NOS1: variants seen among roughly 807,000 people sequenced by gnomAD.
The protein encoded by NOS1 is NOS type I.
Under a neutral mutation model 164.5 loss-of-function variants are expected in NOS1, and 51 were observed. That is an observed-to-expected ratio of 0.31 (90% CI 0.25 to 0.39). The LOEUF is 0.39. Among genes scored for constraint, NOS1 ranks in the 10% least tolerant of loss-of-function variants. NOS1 has a pLI of 1.00. For missense variants in NOS1, 1,362 were observed against 1,885.6 expected, an observed-to-expected ratio of 0.72 and a Z score of 5.14; for synonymous variants, 719 against 745.8, an observed-to-expected ratio of 0.96 and a Z score of 0.59.
At chr12:117,227,689 T>C (rs2135934895) in intron 22 of NOS1, 48 bp from the exon 23 acceptor site, 2 of 1,589,762 alleles carry the variant, frequency 1.3e-6, no homozygotes, top group South Asian at 1.1e-5. Context: ...AGCTGCCACA[T>C]ACTTCCCATG....
rs376833869 is a variant in NOS1 at position 117,231,974 on chromosome 12, C to T, written c.3393G>A (p.Leu1131=). Residue 1131 remains leucine (L), a synonymous_variant, in exon 22 of 29, where the codon CTG becomes CTA. Coordinates refer to ENST00000317775, the MANE Select transcript of NOS1 (RefSeq NM_000620.5). ...ATSEKEKQRL[L]VLSKGLQEYE... Reference sequence around the variant, plus strand: ...CCTGGGGACCCACCTTGCTGAGGACCAGCAGACGCTGCTTCTCCTTCTCGC... The same window carrying T: ...CCTGGGGACCCACCTTGCTGAGGACTAGCAGACGCTGCTTCTCCTTCTCGC... 1.9e-6 allele frequency: 3 copies of T among 1,612,346 alleles called. No homozygotes were observed. Among genetic ancestry groups the T allele is most frequent in the South Asian group, 1.1e-5 (1 of 90,706 alleles).
intron 3 of NOS1, among the ~76,000 whole-genome samples, chr12:117,305,390 G>A (rs1874085716): frequency 6.6e-6 from 1 of 151,946 alleles, no homozygotes. Context: ...CGTGAACCTG[G>A]GAGGCGGAGC....
intron 7 of NOS1, 88 bp downstream of exon 7, chr12:117,285,153 C>G: frequency 1.4e-6 from 1 of 701,896 alleles, no homozygotes; most frequent in Non-Finnish European, 2.3e-6. Flanking sequence ...GTGCATTTCC[C>G]TGGCAGGTGA....
intron 26 of NOS1, 79 bp downstream of exon 26, chr12:117,222,636 G>A (rs1592924940): frequency 1.5e-6 from 2 of 1,352,838 alleles, no homozygotes; most frequent in Admixed American, 3.7e-5. Context: ...AAGAGTGAGG[G>A]TGAGGGGTTT....
In NOS1 at chr12:117,208,391, C is replaced by CGT; in HGVS notation, c.*6916_*6917dup. 0.036 allele frequency: 44,753 copies of CGT among 1,238,146 alleles called. 96 individuals are homozygous for CGT. Among genetic ancestry groups the CGT allele is most frequent in the Middle Eastern group, 0.04 (128 of 3,238 alleles). 76.7% of individuals were successfully genotyped at this position (1,238,146 alleles called of 1,614,324 possible). On this transcript the variant is annotated 3_prime_UTR_variant, in exon 29 of 29. Coordinates refer to ENST00000317775, the MANE Select transcript of NOS1 (RefSeq NM_000620.5). ...GGGGGGACGGCCGAGTTTCTGACAGCGTGTGTGTGTGTGTGTGTGTGTGTG... is the reference window on the plus strand; with the variant it reads ...GGGGGGACGGCCGAGTTTCTGACAGCGTGTGTGTGTGTGTGTGTGTGTGTGTG...
At position 117,260,607 on chromosome 12, in the gene NOS1, G is replaced by A. The variant is rs747275403; in HGVS notation, c.2225C>T (p.Ala742Val). The change falls in exon 14 of 29, where the codon GCT becomes GTT. Residue 742 changes from alanine (A) to valine (V), a missense_variant and splice_region_variant. By Grantham distance (64) the Ala-to-Val change is moderately conservative. Coordinates refer to ENST00000317775, the MANE Select transcript of NOS1 (RefSeq NM_000620.5). ...CATCAGCTTGGCCGAGAACTTGACA[G>A]CTCTGGAGGGAAGAGGATGGAGATG... ...RAIGFKKLAE[A>V]VKFSAKLMGQ... The A allele has an allele frequency of 2.5e-6, 4 of 1,612,134 alleles. No homozygotes were observed. The highest frequency in any genetic ancestry group is 2.7e-5 in the African/African-American group (2 of 74,870).
chr12:117,208,181 A>G lies in NOS1; in HGVS notation c.*7128T>C. The G allele has an allele frequency of 1.1e-6, 1 of 926,206 alleles. No homozygotes were observed. Among genetic ancestry groups the G allele is most frequent in the Non-Finnish European group, 1.4e-6 (1 of 693,020 alleles). 57.4% of individuals were successfully genotyped at this position (926,206 alleles called of 1,614,324 possible). The stretch of plus-strand genomic sequence containing the variant: ...TAATATTGTAACCATAATGCAAACA[A>G]GCATAATAGGCTTTTGTTGAATCCC... On this transcript the variant is annotated 3_prime_UTR_variant, in exon 29 of 29. Transcript: ENST00000317775.
chr12:117,277,864 G>C (rs1338962174), intron 9 of NOS1, 95 bp downstream of exon 9: 1 of 1,414,298 alleles, frequency 7.1e-7, no homozygotes, highest in East Asian at 2.4e-5. Context: ...GCTTCGGTCT[G>C]GACTAGAAAG....
intron 22 of NOS1, among the ~76,000 whole-genome samples, chr12:117,229,648 G>A (rs1869034602): frequency 6.6e-6 from 1 of 150,530 alleles, no homozygotes; most frequent in Non-Finnish European, 1.5e-5. Context: ...GAGTGCAGTG[G>A]CATGATCTCG....
At chr12:117,219,932 C>G in intron 27 of NOS1, 143 bp downstream of exon 27, 2 of 779,152 alleles carry the variant, frequency 2.6e-6, no homozygotes, top group South Asian at 3.5e-5. Context: ...CATCTATATC[C>G]TCTACCCTCA....
At chr12:117,308,436 G>A (rs1354203712) in intron 3 of NOS1, among the ~76,000 whole-genome samples, 1 of 152,114 alleles carries the variant, frequency 6.6e-6, no homozygotes, top group Non-Finnish European at 1.5e-5. Context: ...TTAAGTCTAG[G>A]AGATTGAGGT....
chr12:117,260,360 T>A, intron 14 of NOS1, 105 bp downstream of exon 14: 1 of 1,325,064 alleles, frequency 7.5e-7, no homozygotes, highest in Non-Finnish European at 1.1e-6. Flanking sequence ...TCAGGTGTGC[T>A]TTCATCCTTT....
chr12:117,323,810 T>C (rs1382673809), intron 2 of NOS1, among the ~76,000 whole-genome samples: 1 of 152,156 alleles, frequency 6.6e-6, no homozygotes, highest in Non-Finnish European at 1.5e-5. Flanking sequence ...GAGACAGAAT[T>C]TGACTCTGTC....
chr12:117,208,421 T>TGTGTGTGTGTGTGTGTGTGG lies in NOS1; in HGVS notation c.*6887_*6888insCCACACACACACACACACAC. 7.8e-7 allele frequency: 1 copy of TGTGTGTGTGTGTGTGTGTGG among 1,280,372 alleles called. No individual in the cohort carries two copies. The highest frequency in any genetic ancestry group is 2.3e-5 in the Admixed American group (1 of 43,168). 79.3% of individuals were successfully genotyped at this position (1,280,372 alleles called of 1,614,324 possible). On this transcript the variant is annotated 3_prime_UTR_variant, in exon 29 of 29. Transcript: ENST00000317775. ...GTGTGTGTGTGTGTGTGTGTGTGTG[T>TGTGTGTGTGTGTGTGTGTGG]GGTGAGATGCGACCAGGTCTGCCCA...
At chr12:117,261,736 T>C (rs1462281010) in intron 13 of NOS1, among the ~76,000 whole-genome samples, 1 of 152,194 alleles carries the variant, frequency 6.6e-6, no homozygotes, top group Non-Finnish European at 1.5e-5. Context: ...GAGGATCACT[T>C]GAGGCCAAGG....
intron 14 of NOS1, among the ~76,000 whole-genome samples, chr12:117,259,742 C>G (rs1044487883): frequency 2.0e-5 from 3 of 152,208 alleles, no homozygotes; most frequent in African/African-American, 7.2e-5. Context: ...TGGGAAACGT[C>G]TATATTCTAT....
chr12:117,221,917 C>T (rs1220976147), intron 26 of NOS1, among the ~76,000 whole-genome samples: 1 of 151,448 alleles, frequency 6.6e-6, no homozygotes, highest in African/African-American at 2.4e-5. Flanking sequence ...ACCTCAGCCT[C>T]CCAAAGTGCT....
rs763272264 is a variant in NOS1 at position 117,258,450 on chromosome 12, G to T, written c.2478C>A (p.Phe826Leu). The T allele has an allele frequency of 6.2e-7, 1 of 1,614,042 alleles. No individual in the cohort carries two copies. The highest frequency in any genetic ancestry group is 1.3e-5 in the African/African-American group (1 of 75,012). Reference protein sequence around the residue: ...NGDPPENGEKFGCALMEMRHP... With the variant: ...NGDPPENGEKLGCALMEMRHP... Reference sequence around the variant, plus strand: ...GCCTCATTTCCATCAAAGCACAGCCGAATTTCTGGAAGCCAAAACATATGG... The same window carrying T: ...GCCTCATTTCCATCAAAGCACAGCCTAATTTCTGGAAGCCAAAACATATGG... The change falls in exon 16 of 29, where the codon TTC (phenylalanine) becomes TTA (leucine). Residue 826 changes from phenylalanine to leucine, a missense_variant. This residue lies in a region of NOS1 where 737 missense variants were observed against 1,030.3 expected (regional missense o/e 0.72). Coordinates refer to ENST00000317775, the MANE Select transcript of NOS1 (RefSeq NM_000620.5).
chr12:117,248,352 C>G (rs1341062839), intron 17 of NOS1, among the ~76,000 whole-genome samples: 5 of 151,672 alleles, frequency 3.3e-5, no homozygotes, highest in African/African-American at 1.2e-4. Flanking sequence ...CCCTCTCCCC[C>G]CACCCCACAA....
Sources: gnomAD v4.1 joint callset for allele counts (sites outside exome capture counted in the v4.1 genomes callset) on GRCh38, gnomAD v4.1.1 for gene constraint, gnomAD v4.1.1 regional missense constraint, MANE v1.5 for transcripts, NCBI Gene and HGNC (gene_info 2026-07-23, HGNC 2026-07-21) for gene names.